CGN: variants seen among roughly 807,000 people sequenced by gnomAD.
The protein encoded by CGN is cingulin.
CGN carries 121 observed loss-of-function variants against 157.1 expected under a neutral mutation model. That is an observed-to-expected ratio of 0.77 (90% CI 0.66 to 0.90). The LOEUF is 0.90. Ranked by LOEUF, CGN falls within the 40% of genes least tolerant of loss-of-function variation. CGN has a pLI of 0.00. For synonymous variants in CGN, 535 were observed against 607.5 expected (o/e 0.88, Z 1.76); for missense variants, 1,424 against 1,520.9 (o/e 0.94, Z 1.06).
chr1:151,519,139 A>T lies in CGN; in HGVS notation c.620A>T (p.Glu207Val). Residue 207 changes from glutamate to valine, a missense_variant, in exon 2 of 21, where the codon GAA (glutamate) becomes GTA (valine). Physicochemically the swap from Glu to Val is moderately radical, Grantham distance 121. Transcript: ENST00000271636. Reference sequence around the variant, plus strand: ...CGCCGAACACGGATGCTACCCCCTGAACAGCGCAAACGGAGCAAGAGCCTG... The same window carrying T: ...CGCCGAACACGGATGCTACCCCCTGTACAGCGCAAACGGAGCAAGAGCCTG... ...TGRRTRMLPPEQRKRSKSLDS... is the reference protein window; with the variant it reads ...TGRRTRMLPPVQRKRSKSLDS... 2 of 1,614,046 alleles carry T rather than the reference A, an allele frequency of 1.2e-6. No homozygotes were observed. Among genetic ancestry groups the T allele is most frequent in the Non-Finnish European group, 1.7e-6 (2 of 1,180,036 alleles).
intron 15 of CGN, chr1:151,534,676 C>T (rs539522183): frequency 2.5e-4 from 69 of 272,030 alleles, no homozygotes; most frequent in Non-Finnish European, 4.2e-5. Context: ...TTAGCCTCTA[C>T]GTGGTACTGC....
chr1:151,536,211 A>G (rs765515888), intron 18 of CGN, 26 bp from the exon 19 acceptor site: 2 of 1,411,198 alleles, frequency 1.4e-6, no homozygotes, highest in South Asian at 1.2e-5. Flanking sequence ...GGGGACACTC[A>G]TAGACATTCT....
In CGN at chr1:151,528,962, T is replaced by C. The variant is rs76978060; in HGVS notation, c.1897-388T>C. 9.7e-3 allele frequency among the ~76,000 whole-genome samples: 1,471 copies of C among 152,360 alleles called. 18 individuals carry two copies. Among genetic ancestry groups the C allele is most frequent in the Non-Finnish European group, 0.015 (1,013 of 68,034 alleles). ...ATAGTGTTTTCAAGGTTTGTCCATGTGGTAGCAAGTATGAGTACTTCATTC... is the reference window on the plus strand; with the variant it reads ...ATAGTGTTTTCAAGGTTTGTCCATGCGGTAGCAAGTATGAGTACTTCATTC... On this transcript the variant is annotated intron_variant, in intron 10 of 20. Transcript: ENST00000271636.
At chr1:151,515,284 T>G (rs1054415880) in intron 1 of CGN, among the ~76,000 whole-genome samples, 1 of 152,202 alleles carries the variant, frequency 6.6e-6, no homozygotes, top group Admixed American at 6.5e-5. Flanking sequence ...ATTACAGGCA[T>G]GAGCCACTGC....
rs761721175 is a variant in CGN, at chr1:151,524,243, G to C, written c.1286G>C (p.Arg429Pro). ...ATTATTAGGCTCCAGAACATGAAGCGCCTCTTGGACCAGGGTGAAGATTTA... is the reference window on the plus strand; with the variant it reads ...ATTATTAGGCTCCAGAACATGAAGCCCCTCTTGGACCAGGGTGAAGATTTA... ...QSNKELQNMK[R>P]LLDQGEDLRH... Residue 429 changes from arginine (R) to proline (P), a missense_variant, in exon 7 of 21, where the codon CGC becomes CCC. Arg to Pro is a moderately radical substitution (Grantham distance 103). Coordinates refer to ENST00000271636, the MANE Select transcript of CGN (RefSeq NM_020770.3). The surrounding 1 kb of genome is among the most constrained non-coding windows in gnomAD (Gnocchi z 4.4). The C allele has an allele frequency of 6.2e-7, 1 of 1,614,014 alleles. No individual in the cohort carries two copies. The highest frequency in any genetic ancestry group is 1.3e-5 in the African/African-American group (1 of 75,044).
Position 151,530,758 on chromosome 1 carries a change from G to C in CGN, c.2571+12G>C, listed in dbSNP as rs979038825. Reference sequence around the variant, plus strand: ...GACTGAACAAGGAGGTGGGGCATGGGGTATTCTGGGCCTTTAGGAAGAGGC... The same window carrying C: ...GACTGAACAAGGAGGTGGGGCATGGCGTATTCTGGGCCTTTAGGAAGAGGC... On this transcript the variant is annotated intron_variant, in intron 13 of 20. Coordinates refer to ENST00000271636, the MANE Select transcript of CGN (RefSeq NM_020770.3). 1 of 1,551,210 alleles carries C rather than the reference G, an allele frequency of 6.4e-7. No individual in the cohort carries two copies. Among genetic ancestry groups the C allele is most frequent in the African/African-American group, 1.4e-5 (1 of 73,032 alleles).
At chr1:151,514,251 AT>A (rs1664360742) in intron 1 of CGN, among the ~76,000 whole-genome samples, 1 of 152,142 alleles carries the variant, frequency 6.6e-6, no homozygotes, top group African/African-American at 2.4e-5. Context: ...CCTCTGAATA[AT>A]TTAGTGCTGT....
rs781206814 is a variant in CGN, at chr1:151,530,050, C to T, written c.2248C>T (p.Arg750Ter). 6 of 1,614,082 alleles carry T rather than the reference C, an allele frequency of 3.7e-6. No homozygotes were observed. The highest frequency in any genetic ancestry group is 3.4e-6 in the Non-Finnish European group (4 of 1,180,004). ...LGLEQQLKET[R>*]GLVDGGEAVE... ...TTTGGAGCAGCAGCTGAAGGAGACT[C>T]GAGGTCTGGTGGATGGTGGGGAAGC... The change falls in exon 12 of 21, where the codon CGA (arginine) becomes TGA (stop). Residue 750 changes from arginine (R) to a stop codon, truncating the protein, a stop_gained. Transcript: ENST00000271636. LOFTEE classifies it high-confidence loss of function.
At position 151,529,436 on chromosome 1, in the gene CGN, G is replaced by A. The variant is rs199971698; in HGVS notation, c.1983G>A (p.Glu661=). The A allele has an allele frequency of 1.9e-6, 3 of 1,613,920 alleles. No homozygotes were observed. Among genetic ancestry groups the A allele is most frequent in the Non-Finnish European group, 2.5e-6 (3 of 1,179,938 alleles). Residue 661 remains glutamate, a synonymous_variant, in exon 11 of 21, where the codon GAG becomes GAA. Coordinates refer to ENST00000271636, the MANE Select transcript of CGN (RefSeq NM_020770.3). The part of the protein sequence containing the change: ...QEVAGRHRDR[E]LEKQLAVLRV... The stretch of plus-strand genomic sequence containing the variant: ...TGGCTGGGCGACACCGGGACCGGGA[G>A]TTGGAGAAGCAGCTGGCGGTCCTGA...
intron 1 of CGN, among the ~76,000 whole-genome samples, chr1:151,512,221 G>T (rs1664316652): frequency 1.3e-5 from 2 of 152,286 alleles, no homozygotes; most frequent in African/African-American, 4.8e-5. Flanking sequence ...CCAAGAGAGG[G>T]ATATGAGGAA....
In CGN at chr1:151,537,534, C is replaced by T. The variant is rs973358015; in HGVS notation, c.*188C>T. 2.1e-5 allele frequency: 11 copies of T among 515,236 alleles called. No individual in the cohort carries two copies. The highest frequency in any genetic ancestry group is 2.1e-4 in the African/African-American group (11 of 52,416). The allele number at this position is 515,236 out of a possible 1,614,324, so 31.9% of individuals were successfully genotyped here. ...GCAATAAGCTGATAGATGGACTTTC[C>T]ACTGTAGGAGTGGACATTTCAAGCC... On this transcript the variant is annotated 3_prime_UTR_variant, in exon 21 of 21. Transcript: ENST00000271636.
intron 1 of CGN, among the ~76,000 whole-genome samples, chr1:151,512,771 C>T (rs1664329417): frequency 6.6e-6 from 1 of 152,160 alleles, no homozygotes; most frequent in Admixed American, 6.5e-5. Flanking sequence ...CTTCTTTCAT[C>T]CTGGATGTTT....
intron 10 of CGN, among the ~76,000 whole-genome samples, chr1:151,528,696 C>T (rs986534721): frequency 6.6e-6 from 1 of 152,174 alleles, no homozygotes; most frequent in Non-Finnish European, 1.5e-5. Flanking sequence ...GCATGAGCCA[C>T]TGGCGCCTGG....
At position 151,524,185 on chromosome 1, in the gene CGN, C is replaced by T; in HGVS notation, c.1269-41C>T. ...TAAAATATATGATGCGTTTAGAGAA[C>T]TGCCTGACACATAGTGTGCAATAAT... On this transcript the variant is annotated intron_variant, in intron 6 of 20. Coordinates refer to ENST00000271636, the MANE Select transcript of CGN (RefSeq NM_020770.3). The surrounding 1 kb of genome is among the most constrained non-coding windows in gnomAD (Gnocchi z 4.4). 6.6e-7 allele frequency: 1 copy of T among 1,517,732 alleles called. No homozygotes were observed. The highest frequency in any genetic ancestry group is 1.9e-5 in the Admixed American group (1 of 52,982). The allele number at this position is 1,517,732 out of a possible 1,614,324, so 94.0% of individuals were successfully genotyped here.
chr1:151,531,700 A>G (rs1664840796), intron 13 of CGN, among the ~76,000 whole-genome samples: 1 of 152,244 alleles, frequency 6.6e-6, no homozygotes, highest in Non-Finnish European at 1.5e-5. Flanking sequence ...GAAAAGAAAG[A>G]AAAAAGAAAA....
At chr1:151,527,138 G>A (rs2102496178) in intron 10 of CGN, 31 bp downstream of exon 10, 3 of 1,613,418 alleles carry the variant, frequency 1.9e-6, no homozygotes, top group Non-Finnish European at 1.7e-6. Flanking sequence ...AGAATGGTAG[G>A]TAGGGGTGAT....
intron 14 of CGN, 124 bp downstream of exon 14, chr1:151,532,696 T>C (rs1664867546): frequency 1.5e-6 from 1 of 688,850 alleles, no homozygotes; most frequent in African/African-American, 2.0e-5. Context: ...CTTGGCTCAC[T>C]GCAAGCTCTG....
At chr1:151,522,513 T>C (rs1664564686) in intron 5 of CGN, among the ~76,000 whole-genome samples, 1 of 151,800 alleles carries the variant, frequency 6.6e-6, no homozygotes. Flanking sequence ...TAATCCCTGC[T>C]GCTTGGGAGG....
chr1:151,522,742 T>C (rs1361175881), intron 5 of CGN, among the ~76,000 whole-genome samples: 2 of 151,926 alleles, frequency 1.3e-5, no homozygotes, highest in Non-Finnish European at 2.9e-5. Context: ...GGAGAAACCC[T>C]GTCTCTACTA....
Sources: gnomAD v4.1 joint callset for allele counts (sites outside exome capture counted in the v4.1 genomes callset) on GRCh38, gnomAD v4.1.1 for gene constraint, Gnocchi (gnomAD v3.1) non-coding constraint, MANE v1.5 for transcripts, NCBI Gene and HGNC (gene_info 2026-07-23, HGNC 2026-07-21) for gene names.